Variants in MTMR3 observed in about 807,000 individuals in gnomAD.
The protein encoded by MTMR3 is myotubularin related protein 3.
In MTMR3, 32 loss-of-function variants were observed where a neutral mutation model predicts 132.4. The observed-to-expected ratio is 0.24, with a 90% CI of 0.18 to 0.32. The LOEUF (loss-of-function observed/expected upper bound fraction) is 0.32, where lower values mean the gene tolerates loss of function less well. Ranked by LOEUF, MTMR3 falls within the 10% of genes least tolerant of loss-of-function variation. The pLI is 1.00. For missense variants in MTMR3, 1,216 were observed against 1,489.6 expected (o/e 0.82, Z 3.02); for synonymous variants, 556 against 550.3 (o/e 1.01, Z -0.14).
chr22:30,019,275 T>G, intron 16 of MTMR3: 1 of 571,882 alleles, frequency 1.7e-6, no homozygotes, highest in Non-Finnish European at 3.1e-6. Flanking sequence ...GTTGGGGGAG[T>G]TTGAAAGGAA....
Position 30,002,912 on chromosome 22 carries a change from T to C in MTMR3, c.590T>C (p.Val197Ala), listed in dbSNP as rs2067205817. 6.2e-7 allele frequency: 1 copy of C among 1,613,988 alleles called. No homozygotes were observed. The highest frequency in any genetic ancestry group is 8.5e-7 in the Non-Finnish European group (1 of 1,179,984). The change falls in exon 9 of 20, where the codon GTG becomes GCG. Residue 197 changes from valine to alanine, a missense_variant. By Grantham distance (64) the Val-to-Ala change is moderately conservative. Around this residue, in one of 7 missense-constraint regions of MTMR3, gnomAD observed 129 missense variants for 245.7 expected, o/e 0.53. Coordinates refer to ENST00000401950, the MANE Select transcript of MTMR3 (RefSeq NM_021090.4). ...GGTAGCTATCCTCAAGAGCTCATAGTGCCTGCCTGGATCACTGACAAAGAA... is the reference window on the plus strand; with the variant it reads ...GGTAGCTATCCTCAAGAGCTCATAGCGCCTGCCTGGATCACTGACAAAGAA... ...LCGSYPQELI[V>A]PAWITDKELE...
intron 9 of MTMR3, 23 bp downstream of exon 9, chr22:30,003,016 C>T: frequency 6.4e-7 from 1 of 1,562,334 alleles, no homozygotes; most frequent in Non-Finnish European, 8.8e-7. Flanking sequence ...GGACCAGTCC[C>T]AGCTTGGGCT....
chr22:29,920,689 T>C (rs2065393145), intron 1 of MTMR3, among the ~76,000 whole-genome samples: 1 of 152,144 alleles, frequency 6.6e-6, no homozygotes, highest in Non-Finnish European at 1.5e-5. Flanking sequence ...TTTAACTTTA[T>C]GTATAAGTAA....
chr22:29,963,708 A>G lies in MTMR3; in HGVS notation c.-85+6620A>G, dbSNP rs556452911. On this transcript the variant is annotated intron_variant, in intron 2 of 19. Transcript: ENST00000401950. ...GCCCACTTAATTCCTTTCTATGGCC[A>G]AATAATTTGCCATTGTTTAGATATG... is the stretch of plus-strand genomic sequence containing the variant. 3.9e-5 allele frequency among the ~76,000 whole-genome samples: 6 copies of G among 152,154 alleles called. No homozygotes were observed. The South Asian group carries it at 1.2e-3, about 32-fold the overall frequency.
intron 6 of MTMR3, chr22:29,990,202 C>G (rs1386005845): frequency 1.3e-5 from 2 of 152,238 alleles, no homozygotes; most frequent in African/African-American, 4.8e-5. Flanking sequence ...CCACTGTACT[C>G]CAGCCTGGGT....
chr22:29,953,082 A>G (rs2066115507), intron 1 of MTMR3, among the ~76,000 whole-genome samples: 1 of 152,216 alleles, frequency 6.6e-6, no homozygotes, highest in African/African-American at 2.4e-5. Context: ...TGTGTAAAAA[A>G]ATCTATTTTA....
intron 19 of MTMR3, chr22:30,023,078 C>A: frequency 5.1e-6 from 2 of 389,826 alleles, no homozygotes; most frequent in Non-Finnish European, 9.5e-6. Context: ...TCCTTTCCTG[C>A]TCCCTGACCC....
chr22:29,993,417 T>C (rs1023720015), intron 7 of MTMR3: 4 of 152,206 alleles, frequency 2.6e-5, no homozygotes, highest in Non-Finnish European at 4.4e-5. Flanking sequence ...CATTGCATCT[T>C]CTTTATTAAA....
At chr22:29,967,192 G>A (rs1453725654) in intron 2 of MTMR3, among the ~76,000 whole-genome samples, 1 of 63,098 alleles carries the variant, frequency 1.6e-5, no homozygotes, top group Admixed American at 2.0e-4. Flanking sequence ...CTTCACCTCT[G>A]TTGTGTGTGT....
chr22:29,950,240 T>G (rs992366223), intron 1 of MTMR3, among the ~76,000 whole-genome samples: 1 of 152,234 alleles, frequency 6.6e-6, no homozygotes, highest in Admixed American at 6.5e-5. Context: ...TTTCTAATGC[T>G]TGAATGTCTG....
intron 1 of MTMR3, among the ~76,000 whole-genome samples, chr22:29,943,632 A>T (rs1243342640): frequency 6.6e-6 from 1 of 152,122 alleles, no homozygotes; most frequent in Non-Finnish European, 1.5e-5. Flanking sequence ...TTGGTATGTT[A>T]TGACTATTCC....
intron 1 of MTMR3, among the ~76,000 whole-genome samples, chr22:29,921,314 C>T (rs1270297483): frequency 3.9e-5 from 6 of 152,132 alleles, no homozygotes; most frequent in African/African-American, 4.8e-5. Context: ...ACTAATAGAG[C>T]GAGAACTTGC....
At chr22:29,997,772 C>T (rs973863020) in intron 7 of MTMR3, 2 of 152,142 alleles carry the variant, frequency 1.3e-5, no homozygotes, top group African/African-American at 4.8e-5. Flanking sequence ...GTTTTTCATA[C>T]CCTATTTGGT....
intron 1 of MTMR3, among the ~76,000 whole-genome samples, chr22:29,940,125 G>A (rs879321379): frequency 9.9e-5 from 15 of 152,096 alleles, no homozygotes; most frequent in Non-Finnish European, 1.6e-4. Context: ...AAAATTAGCC[G>A]GGCGTGGTGG....
chr22:30,002,805 G>T, intron 8 of MTMR3, 75 bp from the exon 9 acceptor site: 4 of 1,095,078 alleles, frequency 3.7e-6, no homozygotes, highest in Non-Finnish European at 4.1e-6. Context: ...CTCACCTAGT[G>T]TCTCTCTCTC....
chr22:29,965,835 A>G (rs1283202889), intron 2 of MTMR3, among the ~76,000 whole-genome samples: 1 of 152,110 alleles, frequency 6.6e-6, no homozygotes, highest in Non-Finnish European at 1.5e-5. Context: ...TTTAGTTGGG[A>G]CATCCGGGAT....
chr22:29,923,041 A>ATT (rs36099310), intron 1 of MTMR3, among the ~76,000 whole-genome samples: 2,099 of 129,934 alleles, frequency 0.016, 51 homozygotes, highest in East Asian at 0.071. Context: ...CATCCAGCCA[A>ATT]TTTTTTTTTT....
In MTMR3 at chr22:30,020,660, C is replaced by G. The variant is rs1206402457; in HGVS notation, c.3001C>G (p.Pro1001Ala). 6.2e-7 allele frequency: 1 copy of G among 1,614,216 alleles called. No homozygotes were observed. Among genetic ancestry groups the G allele is most frequent in the Admixed American group, 1.7e-5 (1 of 60,028 alleles). ...HKWLHSHSGRPSATSSPDQPS... is the reference protein window; with the variant it reads ...HKWLHSHSGRASATSSPDQPS... ...GTGGCTGCATAGCCACTCAGGAAGG[C>G]CATCTGCAACCAGCAGCCCCGACCA... The change falls in exon 17 of 20, where the codon CCA (proline) becomes GCA (alanine). Residue 1001 changes from proline to alanine, a missense_variant. Pro to Ala is a conservative substitution (Grantham distance 27). Coordinates refer to ENST00000401950, the MANE Select transcript of MTMR3 (RefSeq NM_021090.4).
Position 30,019,644 on chromosome 22 carries a change from C to G in MTMR3, c.1985C>G (p.Ser662Cys), listed in dbSNP as rs569327780. 5.0e-6 allele frequency: 8 copies of G among 1,614,224 alleles called. No individual in the cohort carries two copies. The Admixed American group carries it at 1.3e-4, about 27-fold the overall frequency. The change falls in exon 17 of 20, where the codon TCT (serine) becomes TGT (cysteine). Residue 662 changes from serine (S) to cysteine (C), a missense_variant. Transcript: ENST00000401950. Reference sequence around the variant, plus strand: ...GCTGGCCCTGGAGAGGATCCCCTTTCTGCCGACAGCCTAGGGAAGCCCACC... The same window carrying G: ...GCTGGCCCTGGAGAGGATCCCCTTTGTGCCGACAGCCTAGGGAAGCCCACC... ...SLAGPGEDPL[S>C]ADSLGKPTRV...
Sources: allele counts gnomAD v4.1 joint callset (sites outside exome capture counted in the v4.1 genomes callset), GRCh38; gene constraint gnomAD v4.1.1; regional missense constraint gnomAD v4.1.1; transcripts MANE v1.5; gene names NCBI Gene and HGNC (gene_info 2026-07-23, HGNC 2026-07-21).